The following SND1 variants were observed in gnomAD, a reference collection of about 807,000 sequenced individuals.
SND1 encodes the protein staphylococcal nuclease domain-containing protein 1.
In SND1, 38 loss-of-function variants were observed where a neutral mutation model predicts 121.7. The ratio of observed to expected loss-of-function variants is 0.31; its 90% CI spans 0.24 to 0.41. SND1 has a LOEUF of 0.41. SND1 is among the 10% of genes least tolerant of loss of function. SND1 has a pLI of 1.00. For synonymous variants in SND1, 401 were observed against 447.4 expected (o/e 0.90, Z 1.31); for missense variants, 868 against 1,184.6 (o/e 0.73, Z 3.92).
chr7:127,977,840 G>A (rs1184830747), intron 15 of SND1, among the ~76,000 whole-genome samples: 7 of 152,178 alleles, frequency 4.6e-5, no homozygotes, highest in South Asian at 2.1e-4. Flanking sequence ...ACTGGGTTAT[G>A]TGGATAGAGT....
intron 10 of SND1, among the ~76,000 whole-genome samples, chr7:127,792,373 C>T (rs1563015046): frequency 6.6e-6 from 1 of 152,082 alleles, no homozygotes; most frequent in Non-Finnish European, 1.5e-5. Context: ...TTTCTTTGTC[C>T]AATTGTGACC....
intron 16 of SND1, among the ~76,000 whole-genome samples, chr7:128,064,986 G>A (rs1419759780): frequency 6.6e-6 from 1 of 152,214 alleles, no homozygotes; most frequent in Non-Finnish European, 1.5e-5. Flanking sequence ...AGCTGCATTG[G>A]CTACAGAAGT....
chr7:127,681,440 T>TG (rs1333075178), intron 1 of SND1, among the ~76,000 whole-genome samples: 1 of 152,196 alleles, frequency 6.6e-6, no homozygotes, highest in Non-Finnish European at 1.5e-5. Flanking sequence ...ATACTCATAT[T>TG]TTTTTCTTTC....
At chr7:127,727,612 G>A (rs996790809) in intron 10 of SND1, among the ~76,000 whole-genome samples, 1 of 152,016 alleles carries the variant, frequency 6.6e-6, no homozygotes, top group African/African-American at 2.4e-5. Context: ...AATTAGAGAG[G>A]GACTCCAGCT....
In SND1 at chr7:128,029,172, G is replaced by A; in HGVS notation, c.1779+38116G>A. Reference sequence around the variant, plus strand: ...GGTAGTCTGAATGAGCACCGTGGTAGAGGTGGTATATGCCGGCTGGTAACC... The same window carrying A: ...GGTAGTCTGAATGAGCACCGTGGTAAAGGTGGTATATGCCGGCTGGTAACC... On this transcript the variant is annotated intron_variant, in intron 16 of 23. Coordinates refer to ENST00000354725, the MANE Select transcript of SND1 (RefSeq NM_014390.4). This position sits in a 1 kb window ranked among gnomAD's most constrained non-coding sequence, Gnocchi z 4.2. 6.2e-7 allele frequency: 1 copy of A among 1,614,152 alleles called. No homozygotes were observed. The highest frequency in any genetic ancestry group is 8.5e-7 in the Non-Finnish European group (1 of 1,180,028).
chr7:127,919,443 T>G (rs892401006), intron 14 of SND1, among the ~76,000 whole-genome samples: 1 of 152,222 alleles, frequency 6.6e-6, no homozygotes, highest in African/African-American at 2.4e-5. Flanking sequence ...GAAGGCATTT[T>G]CTGGTTCTGT....
intron 1 of SND1, among the ~76,000 whole-genome samples, chr7:127,670,260 A>T (rs1260000294): frequency 2.6e-5 from 4 of 151,758 alleles, no homozygotes; most frequent in Non-Finnish European, 4.4e-5. Flanking sequence ...AAGTGCTGGG[A>T]TTACAGGCGT....
intron 10 of SND1, among the ~76,000 whole-genome samples, chr7:127,737,608 T>A (rs1039769003): frequency 2.0e-5 from 3 of 152,176 alleles, no homozygotes; most frequent in Non-Finnish European, 4.4e-5. Context: ...AGGGGGGTTA[T>A]GGCTCACATT....
At chr7:127,704,696 G>C in intron 7 of SND1, 143 bp from the exon 8 acceptor site, 2 of 679,528 alleles carry the variant, frequency 2.9e-6, no homozygotes, top group South Asian at 3.6e-5. Context: ...CGTAGTGAGA[G>C]AAGCTACTCT....
intron 15 of SND1, among the ~76,000 whole-genome samples, chr7:127,980,048 T>G (rs900839452): frequency 2.6e-5 from 4 of 152,228 alleles, no homozygotes; most frequent in Non-Finnish European, 5.9e-5. Context: ...TGGAGAACCT[T>G]GACTTTTCAC....
At chr7:127,706,260 C>CG (rs1191797017) in intron 8 of SND1, among the ~76,000 whole-genome samples, 3 of 73,246 alleles carry the variant, frequency 4.1e-5, no homozygotes, top group Non-Finnish European at 7.6e-5. Context: ...CCTCCCCCCC[C>CG]CCACCTTTTT....
At chr7:127,843,037 A>G (rs1040086249) in intron 11 of SND1, among the ~76,000 whole-genome samples, 8 of 152,006 alleles carry the variant, frequency 5.3e-5, no homozygotes, top group African/African-American at 1.2e-4. Context: ...GTGGGGACCT[A>G]TGTGTTTAGT....
intron 12 of SND1, among the ~76,000 whole-genome samples, chr7:127,872,719 T>C (rs1205589228): frequency 6.6e-6 from 1 of 152,014 alleles, no homozygotes; most frequent in Admixed American, 6.6e-5. Flanking sequence ...TCCTCTTTTC[T>C]AAGCTTTAGA....
intron 17 of SND1, among the ~76,000 whole-genome samples, chr7:128,079,590 CTG>C (rs1391977973): frequency 6.6e-6 from 1 of 152,222 alleles, no homozygotes; most frequent in African/African-American, 2.4e-5. Flanking sequence ...AAGCTTGGGC[CTG>C]GGAGATGTCT....
intron 12 of SND1, among the ~76,000 whole-genome samples, chr7:127,872,591 A>G (rs1799612833): frequency 6.7e-6 from 1 of 150,232 alleles, no homozygotes; most frequent in Non-Finnish European, 1.5e-5. Context: ...TGTTGATATG[A>G]CACAGTATCT....
chr7:127,867,958 A>G (rs1177909786), intron 12 of SND1, among the ~76,000 whole-genome samples: 3 of 152,056 alleles, frequency 2.0e-5, no homozygotes, highest in Non-Finnish European at 4.4e-5. Context: ...TGCCTGGAAC[A>G]TACATTTCAT....
chr7:127,699,352 G>A (rs1409812540), intron 4 of SND1, among the ~76,000 whole-genome samples: 1 of 152,170 alleles, frequency 6.6e-6, no homozygotes, highest in African/African-American at 2.4e-5. Flanking sequence ...CGTTTTAATG[G>A]GGAGACAGTC....
At chr7:127,733,131 G>A (rs759729222) in intron 10 of SND1, among the ~76,000 whole-genome samples, 12 of 151,790 alleles carry the variant, frequency 7.9e-5, no homozygotes, top group Non-Finnish European at 1.5e-4. Context: ...CATTATTACT[G>A]TCTTGGTGTT....
intron 16 of SND1, among the ~76,000 whole-genome samples, chr7:128,026,837 G>T (rs1452679303): frequency 6.6e-6 from 1 of 152,164 alleles, no homozygotes; most frequent in Non-Finnish European, 1.5e-5. Flanking sequence ...CAAAGCCAGG[G>T]ACTAACACAG....
Sources: gnomAD v4.1 joint callset for allele counts (sites outside exome capture counted in the v4.1 genomes callset) on GRCh38, gnomAD v4.1.1 for gene constraint, Gnocchi (gnomAD v3.1) non-coding constraint, MANE v1.5 for transcripts, NCBI Gene and HGNC (gene_info 2026-07-23, HGNC 2026-07-21) for gene names.